The following ARHGAP30 variants were observed in gnomAD, a reference collection of about 807,000 sequenced individuals.
The protein encoded by ARHGAP30 is Rho GTPase activating protein 30.
ARHGAP30 carries 23 observed loss-of-function variants against 72.0 expected under a neutral mutation model. The observed-to-expected ratio is 0.32, with a 90% CI of 0.23 to 0.45. The LOEUF (loss-of-function observed/expected upper bound fraction) is 0.45, where lower values mean the gene tolerates loss of function less well. ARHGAP30 is among the 20% of genes least tolerant of loss of function. The pLI is 1.00. For synonymous variants in ARHGAP30, 576 were observed against 528.2 expected, an observed-to-expected ratio of 1.09 and a Z score of -1.24; for missense variants, 1,319 against 1,383.4, an observed-to-expected ratio of 0.95 and a Z score of 0.74.
intron 2 of ARHGAP30, among the ~76,000 whole-genome samples, chr1:161,057,591 C>T (rs556411722): frequency 6.6e-6 from 1 of 151,832 alleles, no homozygotes; most frequent in African/African-American, 2.4e-5. Flanking sequence ...TGAGCCATGA[C>T]CATGCCACTG....
intron 1 of ARHGAP30, among the ~76,000 whole-genome samples, chr1:161,061,160 TTC>T (rs1652283281): frequency 6.6e-6 from 1 of 151,798 alleles, no homozygotes; most frequent in Admixed American, 6.6e-5. Context: ...TGTTGTTGGG[TTC>T]TGTTTGTTTG....
At chr1:161,056,890 TAGAA>T (rs2102051214) in intron 2 of ARHGAP30, among the ~76,000 whole-genome samples, 1 of 152,252 alleles carries the variant, frequency 6.6e-6, no homozygotes, top group South Asian at 2.1e-4. Flanking sequence ...GTATAACTCT[TAGAA>T]AGAAACGTTA....
At chr1:161,063,974 A>G (rs766068891) in intron 1 of ARHGAP30, among the ~76,000 whole-genome samples, 17 of 152,334 alleles carry the variant, frequency 1.1e-4, no homozygotes, top group African/African-American at 3.4e-4. Context: ...GTTATCAATG[A>G]CAGTGGTGCC....
Position 161,052,640 on chromosome 1 carries a change from C to G in ARHGAP30, c.822G>C (p.Glu274Asp). The G allele has an allele frequency of 1.2e-6, 2 of 1,613,914 alleles. No homozygotes were observed. The highest frequency in any genetic ancestry group is 1.7e-6 in the Non-Finnish European group (2 of 1,179,918). ...PQMRPYHTII[E>D]IAEHKRKGSL... ...GGAGGCCTTACTTGTGCTCTGCAATCTCGATGATAGTATGGTAGGGCCGCA... is the reference window on the plus strand; with the variant it reads ...GGAGGCCTTACTTGTGCTCTGCAATGTCGATGATAGTATGGTAGGGCCGCA... Residue 274 changes from glutamate to aspartate, a missense_variant, in exon 7 of 12, where the codon GAG becomes GAC. Glu to Asp is a conservative substitution (Grantham distance 45). Coordinates refer to ENST00000368013, the MANE Select transcript of ARHGAP30 (RefSeq NM_001025598.2).
rs1244437788 is a variant in ARHGAP30 at position 161,054,228 on chromosome 1, A to G, written c.536+138T>C. The G allele has an allele frequency of 1.1e-5, 8 of 751,846 alleles. No individual in the cohort carries two copies. In the South Asian group the frequency reaches 1.2e-4, roughly 11 times the overall value. 46.6% of individuals were successfully genotyped at this position (751,846 alleles called of 1,614,324 possible). On this transcript the variant is annotated intron_variant, in intron 5 of 11. Transcript: ENST00000368013. ...CCCATCCGACCCACCATGATCTTGA[A>G]CCTTCTTTTCTCACTGGGCTTTGTG...
chr1:161,051,524 C>T lies in ARHGAP30; in HGVS notation c.1210G>A (p.Ala404Thr). 2 of 1,614,210 alleles carry T rather than the reference C, an allele frequency of 1.2e-6. No individual in the cohort carries two copies. Among genetic ancestry groups the T allele is most frequent in the Admixed American group, 1.7e-5 (1 of 60,030 alleles). The change falls in exon 10 of 12, where the codon GCA (alanine) becomes ACA (threonine). Residue 404 changes from alanine to threonine, a missense_variant. Ala to Thr is a moderately conservative substitution (Grantham distance 58, BLOSUM62 0). Around this residue, in one of 2 missense-constraint regions of ARHGAP30, gnomAD observed 1,097 missense variants for 1,045.2 expected, o/e 1.05. Coordinates refer to ENST00000368013, the MANE Select transcript of ARHGAP30 (RefSeq NM_001025598.2). ...SAIRAGGSSR[A>T]ERCAGVHISD... Reference sequence around the variant, plus strand: ...ATGTGGACACCAGCACAGCGTTCTGCACGGCTGCTGCCCCCAGCCCGGATG... The same window carrying T: ...ATGTGGACACCAGCACAGCGTTCTGTACGGCTGCTGCCCCCAGCCCGGATG...
At chr1:161,062,182 C>T (rs1192392936) in intron 1 of ARHGAP30, among the ~76,000 whole-genome samples, 2 of 152,120 alleles carry the variant, frequency 1.3e-5, no homozygotes, top group East Asian at 1.9e-4. Context: ...ACTTTAGATC[C>T]TTTGCCTCGC....
intron 5 of ARHGAP30, 124 bp from the exon 6 acceptor site, chr1:161,053,509 A>C: frequency 1.3e-6 from 1 of 780,544 alleles, no homozygotes; most frequent in Non-Finnish European, 1.8e-6. Flanking sequence ...TCTCTCTCGA[A>C]TGACCTTAAC....
In ARHGAP30 at chr1:161,049,453, G is replaced by C; in HGVS notation, c.1657C>G (p.Leu553Val). Reference sequence around the variant, plus strand: ...GGCCCAACTCCCAGGAGCTCCTCCAGGTAGCCCATCCCAGGGTCGTCCTCC... The same window carrying C: ...GGCCCAACTCCCAGGAGCTCCTCCACGTAGCCCATCCCAGGGTCGTCCTCC... Reference protein sequence around the residue: ...PGEDDPGMGYLEELLGVGPQV... With the variant: ...PGEDDPGMGYVEELLGVGPQV... Residue 553 changes from leucine to valine, a missense_variant, in exon 11 of 12, where the codon CTG (leucine) becomes GTG (valine). Physicochemically the swap from Leu to Val is conservative, Grantham distance 32. Coordinates refer to ENST00000368013, the MANE Select transcript of ARHGAP30 (RefSeq NM_001025598.2). The C allele has an allele frequency of 6.2e-7, 1 of 1,612,922 alleles. No homozygotes were observed. The highest frequency in any genetic ancestry group is 8.5e-7 in the Non-Finnish European group (1 of 1,179,390).
chr1:161,068,471 T>C (rs2101646458), intron 1 of ARHGAP30, among the ~76,000 whole-genome samples: 1 of 151,814 alleles, frequency 6.6e-6, no homozygotes, highest in South Asian at 2.1e-4. Flanking sequence ...GAGCAGGAAA[T>C]GATCTGGGAA....
chr1:161,060,697 C>CTTTT (rs1311336285), intron 1 of ARHGAP30, among the ~76,000 whole-genome samples: 7 of 103,462 alleles, frequency 6.8e-5, no homozygotes, highest in Non-Finnish European at 1.3e-4. Flanking sequence ...GAGTCAAGGA[C>CTTTT]TTTTTTTTTT....
chr1:161,062,724 G>T (rs1324339191), intron 1 of ARHGAP30, among the ~76,000 whole-genome samples: 1 of 150,286 alleles, frequency 6.7e-6, no homozygotes, highest in African/African-American at 2.5e-5. Flanking sequence ...GTGAGATTCC[G>T]TGTCAAAAAA....
At chr1:161,055,856 T>TAAATAAAATAAATA (rs1651802975) in intron 3 of ARHGAP30, among the ~76,000 whole-genome samples, 18 of 19,882 alleles carry the variant, frequency 9.1e-4, no homozygotes, top group Admixed American at 3.5e-3. Flanking sequence ...TAAAATAAAA[T>TAAATAAAATAAATA]AAATAAAATA....
intron 2 of ARHGAP30, 35 bp from the exon 3 acceptor site, chr1:161,056,567 G>C: frequency 6.3e-7 from 1 of 1,598,684 alleles, no homozygotes; most frequent in Middle Eastern, 1.7e-4. Context: ...AGTGGTAGGG[G>C]TTGGGGTGAT....
At position 161,049,493 on chromosome 1, in the gene ARHGAP30, T is replaced by A. The variant is rs757470666; in HGVS notation, c.1617A>T (p.Ala539=). ...GEVAQAEAAG[A]AFSPGEDDPG... is the part of the protein sequence containing the mutation. Reference sequence around the variant, plus strand: ...GGTCGTCCTCCCCAGGGGAGAAGGCTGCTCCTGCTGCTTCTGCCTGGGCCA... The same window carrying A: ...GGTCGTCCTCCCCAGGGGAGAAGGCAGCTCCTGCTGCTTCTGCCTGGGCCA... Residue 539 remains alanine, a synonymous_variant, in exon 11 of 12, where the codon GCA becomes GCT. Transcript: ENST00000368013. The A allele has an allele frequency of 1.9e-6, 3 of 1,614,102 alleles. No homozygotes were observed. The highest frequency in any genetic ancestry group is 2.5e-6 in the Non-Finnish European group (3 of 1,180,026).
Position 161,052,807 on chromosome 1 carries a change from G to GA in ARHGAP30, c.665-11dup. On this transcript the variant is annotated splice_polypyrimidine_tract_variant and intron_variant, in intron 6 of 11. Transcript: ENST00000368013. Reference sequence around the variant, plus strand: ...CTCTCCACCTCACCACCTGGGAAAAGAAAAGGAATTGGCCAGCCAGGAACA... The same window carrying GA: ...CTCTCCACCTCACCACCTGGGAAAAGAAAAAGGAATTGGCCAGCCAGGAACA... 6.2e-7 allele frequency: 1 copy of GA among 1,609,310 alleles called. No individual in the cohort carries two copies. Among genetic ancestry groups the GA allele is most frequent in the African/African-American group, 1.3e-5 (1 of 74,888 alleles).
At chr1:161,065,972 C>CT (rs905874293) in intron 1 of ARHGAP30, among the ~76,000 whole-genome samples, 8 of 151,844 alleles carry the variant, frequency 5.3e-5, no homozygotes, top group South Asian at 4.2e-4. Context: ...TCTTGGCTCA[C>CT]TGAAGCCTCA....
chr1:161,063,888 T>C (rs1652499688), intron 1 of ARHGAP30, among the ~76,000 whole-genome samples: 1 of 152,224 alleles, frequency 6.6e-6, no homozygotes, highest in Non-Finnish European at 1.5e-5. Flanking sequence ...CTCCCAGGCT[T>C]ATTAGGAAGA....
At chr1:161,049,805 C>A in intron 10 of ARHGAP30, 116 bp from the exon 11 acceptor site, 1 of 1,341,706 alleles carries the variant, frequency 7.5e-7, no homozygotes. Flanking sequence ...TGCTACTCTG[C>A]ATGACTGATC....
Sources: allele counts gnomAD v4.1 joint callset (sites outside exome capture counted in the v4.1 genomes callset), GRCh38; gene constraint gnomAD v4.1.1; regional missense constraint gnomAD v4.1.1; transcripts MANE v1.5; gene names NCBI Gene and HGNC (gene_info 2026-07-23, HGNC 2026-07-21).